The following WRN variants were observed in gnomAD, a reference collection of about 807,000 sequenced individuals.
WRN encodes the protein bifunctional 3'-5' exonuclease/ATP-dependent helicase WRN.
In WRN, 149 loss-of-function variants were observed where a neutral mutation model predicts 180.7. That is an observed-to-expected ratio of 0.82 (90% CI 0.72 to 0.94). WRN has a LOEUF of 0.94. WRN is among the 40% of genes least tolerant of loss of function. WRN has a pLI of 0.00. For synonymous variants in WRN, 548 were observed against 568.9 expected (o/e 0.96, Z 0.52); for missense variants, 1,661 against 1,700.1 (o/e 0.98, Z 0.40).
At chr8:31,146,929 C>G in intron 28 of WRN, 124 bp from the exon 29 acceptor site, 1 of 756,806 alleles carries the variant, frequency 1.3e-6, no homozygotes, top group South Asian at 1.9e-5. Flanking sequence ...AATTACCTTA[C>G]TGGTATCATG....
chr8:31,051,043 G>T (rs1812059512), intron 1 of WRN, among the ~76,000 whole-genome samples: 1 of 151,834 alleles, frequency 6.6e-6, no homozygotes, highest in East Asian at 1.9e-4. Context: ...CTGAACTTCA[G>T]ATTATTATCT....
At chr8:31,141,409 T>G (rs1477488959) in intron 24 of WRN, 21 bp from the exon 25 acceptor site, 1 of 1,613,832 alleles carries the variant, frequency 6.2e-7, no homozygotes, top group South Asian at 1.1e-5. Context: ...TTTTAGATAC[T>G]GATTTTATTC....
In WRN at chr8:31,132,461, C is replaced by A. The variant is rs773614544; in HGVS notation, c.2922C>A (p.Gly974=). 4.3e-6 allele frequency: 7 copies of A among 1,614,052 alleles called. No individual in the cohort carries two copies. The South Asian group carries it at 7.7e-5, about 18-fold the overall frequency. ...TTTTGTCTGCTGTGGACATCTTAGG[C>A]GAAAAATTTGGAATTGGGCTTCCAA... ...FKLLSAVDIL[G]EKFGIGLPIL... The change falls in exon 24 of 35, where the codon GGC becomes GGA. Residue 974 remains glycine, a synonymous_variant. Transcript: ENST00000298139.
chr8:31,146,354 C>T (rs11574357), intron 28 of WRN, among the ~76,000 whole-genome samples: 8,169 of 151,204 alleles, frequency 0.054, 714 homozygotes, highest in African/African-American at 0.18. Flanking sequence ...ATTATATACA[C>T]ACTACTAACC....
chr8:31,075,315 G>T (rs1257907287), intron 7 of WRN, among the ~76,000 whole-genome samples: 2 of 152,334 alleles, frequency 1.3e-5, no homozygotes, highest in African/African-American at 4.8e-5. Context: ...AGCAGGGGAA[G>T]TGTTTGGGAA....
chr8:31,097,010 T>TA (rs1317281897), intron 17 of WRN, among the ~76,000 whole-genome samples, 160 bp downstream of exon 17: 9 of 152,348 alleles, frequency 5.9e-5, no homozygotes, highest in African/African-American at 1.9e-4. Flanking sequence ...ACCTATCTTA[T>TA]CCCATGATAC....
intron 19 of WRN, 60 bp downstream of exon 19, chr8:31,111,859 T>G (rs1801333685): frequency 6.5e-7 from 1 of 1,540,960 alleles, no homozygotes; most frequent in Non-Finnish European, 8.9e-7. Context: ...TTTTAACAAC[T>G]TATGTATTTT....
In WRN at chr8:31,090,451, T is replaced by C. The variant is rs762277316; in HGVS notation, c.1653-14T>C. On this transcript the variant is annotated splice_polypyrimidine_tract_variant and intron_variant, in intron 13 of 34. Transcript: ENST00000298139. ...TTAATAAAACAAAATAGCTTTTTGC[T>C]TTTCACCTTCAAGAGTTCAGTGGAA... is the stretch of plus-strand genomic sequence containing the variant. 1.2e-6 allele frequency: 2 copies of C among 1,611,068 alleles called. No individual in the cohort carries two copies. Among genetic ancestry groups the C allele is most frequent in the Non-Finnish European group, 1.7e-6 (2 of 1,178,004 alleles).
chr8:31,101,990 T>C (rs1800889935), intron 18 of WRN, among the ~76,000 whole-genome samples: 1 of 152,064 alleles, frequency 6.6e-6, no homozygotes, highest in Non-Finnish European at 1.5e-5. Flanking sequence ...TCCTGAACAG[T>C]AACATCTTGT....
chr8:31,116,734 G>A (rs1275752926), intron 20 of WRN, among the ~76,000 whole-genome samples: 1 of 152,192 alleles, frequency 6.6e-6, no homozygotes, highest in East Asian at 1.9e-4. Flanking sequence ...GGGAGGAATA[G>A]CTCTGTCAAG....
chr8:31,127,729 A>C lies in WRN; in HGVS notation c.2825+2729A>C, dbSNP rs150029517. Among the ~76,000 whole-genome samples, 860 of 152,208 alleles carry C rather than the reference A, an allele frequency of 5.7e-3. 5 individuals are homozygous for C. Among genetic ancestry groups the C allele is most frequent in the Non-Finnish European group, 7.5e-3 (511 of 68,008 alleles). On this transcript the variant is annotated intron_variant, in intron 23 of 34. Transcript: ENST00000298139. ...GATTTTTAAGACCAGTCTGGGCAAAAAACCGAGACTGTGTCTCTACAAAAA... is the reference window on the plus strand; with the variant it reads ...GATTTTTAAGACCAGTCTGGGCAAACAACCGAGACTGTGTCTCTACAAAAA...
intron 28 of WRN, 129 bp from the exon 29 acceptor site, chr8:31,146,924 C>G: frequency 1.4e-6 from 1 of 723,122 alleles, no homozygotes; most frequent in Non-Finnish European, 2.3e-6. Context: ...TAACAAATTA[C>G]CTTACTGGTA....
At chr8:31,149,350 T>C (rs1342605544) in intron 30 of WRN, among the ~76,000 whole-genome samples, 1 of 146,866 alleles carries the variant, frequency 6.8e-6, no homozygotes, top group African/African-American at 2.5e-5. Flanking sequence ...TGAGCGGAGA[T>C]CGCGCCACTG....
chr8:31,151,260 T>C (rs1803113728), intron 31 of WRN, among the ~76,000 whole-genome samples: 2 of 152,230 alleles, frequency 1.3e-5, no homozygotes, highest in Non-Finnish European at 2.9e-5. Context: ...GGGATAAGTA[T>C]AAAATGTTGA....
intron 34 of WRN, among the ~76,000 whole-genome samples, chr8:31,169,815 GTT>G (rs1804036160): frequency 6.6e-6 from 1 of 152,066 alleles, no homozygotes; most frequent in Non-Finnish European, 1.5e-5. Context: ...AACCCCAGTG[GTT>G]TCTCCTGAAT....
intron 1 of WRN, among the ~76,000 whole-genome samples, chr8:31,049,453 C>T (rs1237138656): frequency 6.6e-6 from 1 of 150,680 alleles, no homozygotes; most frequent in African/African-American, 2.4e-5. Flanking sequence ...ATTGCTTAAG[C>T]CTGGGGAGGT....
In WRN at chr8:31,085,414, G is replaced by A. The variant is rs147561551; in HGVS notation, c.1431+168G>A. 0.012 allele frequency among the ~76,000 whole-genome samples: 1,851 copies of A among 151,348 alleles called. 38 individuals are homozygous for A. The highest frequency in any genetic ancestry group is 0.042 in the African/African-American group (1,753 of 41,362). Reference sequence around the variant, plus strand: ...TTCATGTTTCTTTTATGTAGTCTATGAATAATGGGTTAGAGGTAATATACT... The same window carrying A: ...TTCATGTTTCTTTTATGTAGTCTATAAATAATGGGTTAGAGGTAATATACT... On this transcript the variant is annotated intron_variant, in intron 11 of 34. Transcript: ENST00000298139.
chr8:31,169,789 T>A (rs779042086), intron 34 of WRN, among the ~76,000 whole-genome samples: 1 of 152,156 alleles, frequency 6.6e-6, no homozygotes, highest in Non-Finnish European at 1.5e-5. Context: ...GTACCTGTCC[T>A]GCTTGGTTTT....
chr8:31,068,702 A>G (rs1006091921), intron 7 of WRN, among the ~76,000 whole-genome samples: 1 of 152,222 alleles, frequency 6.6e-6, no homozygotes, highest in Non-Finnish European at 1.5e-5. Flanking sequence ...GCTTATCCCC[A>G]AGATGGTAGC....
Sources: gnomAD v4.1 joint callset for allele counts (sites outside exome capture counted in the v4.1 genomes callset) on GRCh38, gnomAD v4.1.1 for gene constraint, MANE v1.5 for transcripts, NCBI Gene and HGNC (gene_info 2026-07-23, HGNC 2026-07-21) for gene names.